SGCZ: variants seen among roughly 807,000 people sequenced by gnomAD.
SGCZ encodes the protein sarcoglycan zeta.
A neutral mutation model predicts 41.3 loss-of-function variants in SGCZ; 40 were observed. That is an observed-to-expected ratio of 0.97 (90% confidence interval 0.75 to 1.26). SGCZ has a LOEUF of 1.26. Ranked by LOEUF, SGCZ falls within the 50% of genes most tolerant of loss-of-function variation. The pLI, the probability that SGCZ is intolerant of heterozygous loss-of-function variation, is 0.00. For synonymous variants in SGCZ, 206 were observed against 137.5 expected (o/e 1.50, Z -3.49); for missense variants, 552 against 369.8 (o/e 1.49, Z -4.04).
chr8:14,199,742 C>T (rs1216603240), intron 4 of SGCZ, among the ~76,000 whole-genome samples: 3 of 151,954 alleles, frequency 2.0e-5, no homozygotes, highest in Non-Finnish European at 2.9e-5. Context: ...AGTGAATTTC[C>T]CCCGATATAT....
At chr8:15,032,063 C>A (rs1311384411) in intron 1 of SGCZ, among the ~76,000 whole-genome samples, 3 of 152,056 alleles carry the variant, frequency 2.0e-5, no homozygotes, top group Non-Finnish European at 4.4e-5. Flanking sequence ...TGATTTTGCA[C>A]AAACAACTTC....
chr8:14,976,028 T>TA lies in SGCZ; in HGVS notation c.39+261556_39+261557insT, dbSNP rs1563404700. ...TATATATATATATACACATATATAT[T>TA]TTTTTTTTTTCTGAGATGGAGCCTC... On this transcript the variant is annotated intron_variant, in intron 1 of 7. Coordinates refer to ENST00000382080, the MANE Select transcript of SGCZ (RefSeq NM_139167.4). 1.3e-4 allele frequency among the ~76,000 whole-genome samples: 19 copies of TA among 144,132 alleles called. No homozygotes were observed. In the East Asian group the frequency reaches 2.8e-3, roughly 22 times the overall value. 94.6% of individuals were successfully genotyped at this position (144,132 alleles called of 152,430 possible). A position where few individuals can be genotyped will look rare whatever the true frequency, so the allele number is the denominator to read the frequency against.
At chr8:14,958,074 A>T (rs956898470) in intron 1 of SGCZ, among the ~76,000 whole-genome samples, 2 of 152,102 alleles carry the variant, frequency 1.3e-5, no homozygotes, top group Non-Finnish European at 2.9e-5. Flanking sequence ...CATTTTACTC[A>T]TGAAAGAATA....
intron 1 of SGCZ, among the ~76,000 whole-genome samples, chr8:14,822,721 G>C (rs1344502041): frequency 3.3e-5 from 5 of 151,824 alleles, no homozygotes; most frequent in Non-Finnish European, 7.4e-5. Context: ...GAACATTGGG[G>C]ATAAGACAGT....
intron 1 of SGCZ, among the ~76,000 whole-genome samples, chr8:14,978,315 A>C (rs1424281027): frequency 2.0e-5 from 3 of 151,408 alleles, no homozygotes; most frequent in African/African-American, 7.3e-5. Flanking sequence ...TAAAAATACA[A>C]AAAATTAGTT....
chr8:15,135,978 A>T (rs890898790), intron 1 of SGCZ, among the ~76,000 whole-genome samples: 2 of 152,202 alleles, frequency 1.3e-5, no homozygotes, highest in Non-Finnish European at 2.9e-5. Flanking sequence ...TTTCTTTTAA[A>T]AAACGGTGGT....
At chr8:14,792,097 A>G (rs1040730009) in intron 1 of SGCZ, among the ~76,000 whole-genome samples, 8 of 152,206 alleles carry the variant, frequency 5.3e-5, no homozygotes, top group African/African-American at 1.7e-4. Context: ...AATTTGACAG[A>G]TTCTGTTTTT....
At chr8:14,670,768 C>G (rs1216496466) in intron 1 of SGCZ, among the ~76,000 whole-genome samples, 1 of 152,136 alleles carries the variant, frequency 6.6e-6, no homozygotes, top group East Asian at 1.9e-4. Context: ...GATCCTTGTT[C>G]CTCATTTTAA....
intron 1 of SGCZ, among the ~76,000 whole-genome samples, chr8:14,709,426 A>G (rs1462939784): frequency 4.6e-5 from 7 of 152,164 alleles, no homozygotes; most frequent in Admixed American, 1.3e-4. Flanking sequence ...TTAGTCATTT[A>G]CTGAAAGCTC....
At chr8:15,107,597 G>A (rs1039789037) in intron 1 of SGCZ, among the ~76,000 whole-genome samples, 1 of 152,120 alleles carries the variant, frequency 6.6e-6, no homozygotes, top group Admixed American at 6.5e-5. Flanking sequence ...GCAATTGCCA[G>A]CACCATGTTT....
intron 4 of SGCZ, among the ~76,000 whole-genome samples, chr8:14,181,022 A>AG (rs1804707176): frequency 6.6e-6 from 1 of 152,164 alleles, no homozygotes; most frequent in East Asian, 1.9e-4. Flanking sequence ...ACCGTTTGCA[A>AG]GGCCTGAATT....
intron 1 of SGCZ, among the ~76,000 whole-genome samples, chr8:14,821,332 C>T (rs551676183): frequency 3.3e-5 from 5 of 152,048 alleles, no homozygotes; most frequent in African/African-American, 9.6e-5. Context: ...AATAAAAATT[C>T]TCTCATCAAA....
chr8:14,673,219 T>C (rs1388827965), intron 1 of SGCZ, among the ~76,000 whole-genome samples: 1 of 152,214 alleles, frequency 6.6e-6, no homozygotes, highest in African/African-American at 2.4e-5. Flanking sequence ...ACCTATTAGA[T>C]GGTTGATATG....
chr8:15,088,312 T>C (rs1236191858), intron 1 of SGCZ, among the ~76,000 whole-genome samples: 2 of 152,186 alleles, frequency 1.3e-5, no homozygotes, highest in Admixed American at 1.3e-4. Flanking sequence ...AAGGAAGTTG[T>C]CTATTAAATG....
chr8:14,705,500 T>C, intron 1 of SGCZ, among the ~76,000 whole-genome samples: 1 of 151,990 alleles, frequency 6.6e-6, no homozygotes, highest in East Asian at 1.9e-4. Flanking sequence ...AATAGAGTAT[T>C]ACTGCATTGC....
intron 1 of SGCZ, among the ~76,000 whole-genome samples, chr8:15,162,401 C>G (rs1799536677): frequency 6.6e-6 from 1 of 152,172 alleles, no homozygotes; most frequent in Non-Finnish European, 1.5e-5. Context: ...TTTTAGACAA[C>G]TGATACTTTT....
intron 1 of SGCZ, among the ~76,000 whole-genome samples, chr8:14,903,197 C>A (rs1013055707): frequency 3.1e-4 from 47 of 152,140 alleles, no homozygotes; most frequent in African/African-American, 1.1e-3. Flanking sequence ...CACAAAGACA[C>A]AGAACTGAAA....
At position 14,700,204 on chromosome 8, in the gene SGCZ, C is replaced by G. The variant is rs538341578; in HGVS notation, c.40-145278G>C. 2.0e-5 allele frequency among the ~76,000 whole-genome samples: 3 copies of G among 152,046 alleles called. No homozygotes were observed. The South Asian group carries it at 6.2e-4, about 32-fold the overall frequency. Reference sequence around the variant, plus strand: ...ACAATAATAAAGACATGAAATCAACCTGGATGCCCATCAACAGTGGAATGG... The same window carrying G: ...ACAATAATAAAGACATGAAATCAACGTGGATGCCCATCAACAGTGGAATGG... On this transcript the variant is annotated intron_variant, in intron 1 of 7. Transcript: ENST00000382080.
At chr8:14,375,080 G>T (rs1804063808) in intron 2 of SGCZ, among the ~76,000 whole-genome samples, 1 of 151,848 alleles carries the variant, frequency 6.6e-6, no homozygotes, top group Non-Finnish European at 1.5e-5. Flanking sequence ...GAATTGAGAG[G>T]CCAGAAAAGG....
Sources: gnomAD v4.1 joint callset for allele counts (sites outside exome capture counted in the v4.1 genomes callset) on GRCh38, gnomAD v4.1.1 for gene constraint, MANE v1.5 for transcripts, NCBI Gene and HGNC (gene_info 2026-07-23, HGNC 2026-07-21) for gene names.